Variants in WASHC2C observed in about 807,000 individuals in gnomAD.
The protein encoded by WASHC2C is Vaccinia Penetration Factor.
A neutral mutation model predicts 142.2 loss-of-function variants in WASHC2C; 73 were observed. The observed-to-expected ratio is 0.51, with a 90% CI of 0.43 to 0.62. The LOEUF is 0.62. WASHC2C is among the 20% of genes least tolerant of loss of function. The pLI, the probability that WASHC2C is intolerant of heterozygous loss-of-function variation, is 0.00. For missense variants in WASHC2C, 969 were observed against 1,531.7 expected (o/e 0.63, Z 6.13); for synonymous variants, 337 against 565.5 (o/e 0.60, Z 5.73).
Position 45,789,480 on chromosome 10 carries a change from G to A in WASHC2C, c.3697G>A (p.Asp1233Asn), listed in dbSNP as rs2058266486. 6.8e-6 allele frequency: 11 copies of A among 1,611,890 alleles called. No individual in the cohort carries two copies. The highest frequency in any genetic ancestry group is 1.7e-5 in the Admixed American group (1 of 59,996). ...GCAGGATGTCATATTAACAACACAA[G>A]ATATTTTTGAGGTAATAGGACTTAA... The part of the protein sequence containing the change: ...SQQDVILTTQ[D>N]IFEDDIFATE... The change falls in exon 29 of 31, where the codon GAT becomes AAT. Residue 1233 changes from aspartate to asparagine, a missense_variant. Physicochemically the swap from Asp to Asn is conservative, Grantham distance 23. Transcript: ENST00000623400.
chr10:45,785,047 C>T (rs1290279422), intron 25 of WASHC2C, 146 bp downstream of exon 25: 6 of 1,568,436 alleles, frequency 3.8e-6, no homozygotes, highest in Admixed American at 3.5e-5. Flanking sequence ...CCGAGGGGAG[C>T]GTGTGTGGAG....
chr10:45,766,143 A>C (rs1275789696), intron 19 of WASHC2C, among the ~76,000 whole-genome samples: 1 of 151,992 alleles, frequency 6.6e-6, no homozygotes, highest in Admixed American at 6.6e-5. Flanking sequence ...AACCAGAGAA[A>C]AGTGTGCAAG....
chr10:45,786,751 C>T, intron 27 of WASHC2C, 77 bp downstream of exon 27: 1 of 1,610,568 alleles, frequency 6.2e-7, no homozygotes, highest in Non-Finnish European at 8.5e-7. Context: ...CTCTTGTCAG[C>T]TGCTGCCAAA....
chr10:45,765,332 C>T (rs1302173809), intron 18 of WASHC2C, among the ~76,000 whole-genome samples: 2 of 151,120 alleles, frequency 1.3e-5, no homozygotes, highest in Non-Finnish European at 2.9e-5. Context: ...GCTCCCGTGC[C>T]CATCGCAGGC....
At chr10:45,747,344 A>T (rs1392736469) in intron 8 of WASHC2C, among the ~76,000 whole-genome samples, 1 of 152,070 alleles carries the variant, frequency 6.6e-6, no homozygotes. Context: ...GGGTTTCACC[A>T]TGTTGGCCAG....
At chr10:45,756,613 TAC>T (rs1436659911) in intron 15 of WASHC2C, among the ~76,000 whole-genome samples, 1 of 152,052 alleles carries the variant, frequency 6.6e-6, no homozygotes, top group Non-Finnish European at 1.5e-5. Context: ...TCTGCTTTTG[TAC>T]AGTTTGATTT....
rs782132882 is a variant in WASHC2C, at chr10:45,757,169, G to A, written c.1548+30G>A. On this transcript the variant is annotated intron_variant, in intron 16 of 30. Coordinates refer to ENST00000623400, the MANE Select transcript of WASHC2C (RefSeq NM_001330074.2). ...GCAGGAGGGAAGACTTAACGCAGGA[G>A]CATTGATCTGCAGCATTTTAATAAT... is the stretch of plus-strand genomic sequence containing the variant. 40 of 1,610,872 alleles carry A rather than the reference G, an allele frequency of 2.5e-5. No individual in the cohort carries two copies. The Middle Eastern group carries it at 6.8e-4, about 27-fold the overall frequency.
At chr10:45,756,250 TA>T (rs1554877180) in intron 15 of WASHC2C, among the ~76,000 whole-genome samples, 1 of 143,922 alleles carries the variant, frequency 6.9e-6, no homozygotes, top group African/African-American at 2.7e-5. Context: ...ACACATGCCC[TA>T]TTCGGTACAG....
chr10:45,753,342 A>G, intron 13 of WASHC2C, 105 bp downstream of exon 13: 1 of 1,176,646 alleles, frequency 8.5e-7, no homozygotes, highest in Non-Finnish European at 1.2e-6. Flanking sequence ...TTCTGTGTCA[A>G]GCAAGAAGCT....
chr10:45,759,477 T>TC (rs1589765866), intron 17 of WASHC2C, 76 bp downstream of exon 17: 1 of 1,275,110 alleles, frequency 7.8e-7, no homozygotes, highest in Non-Finnish European at 1.1e-6. Context: ...ATCAGGTTTT[T>TC]CTCAATAGAG....
intron 25 of WASHC2C, 91 bp downstream of exon 25, chr10:45,784,992 A>G: frequency 6.2e-7 from 1 of 1,610,280 alleles, no homozygotes; most frequent in Admixed American, 1.7e-5. Context: ...GGAAAATCCT[A>G]GGAGAGTCGT....
Position 45,756,997 on chromosome 10 carries a change from T to C in WASHC2C, c.1421-15T>C. ...TTGACGTTAGTGTCATTTTATGCCT[T>C]GGTATTTTTTACAGGCAAAGTCCAA... On this transcript the variant is annotated splice_polypyrimidine_tract_variant and intron_variant, in intron 15 of 30. Coordinates refer to ENST00000623400, the MANE Select transcript of WASHC2C (RefSeq NM_001330074.2). The C allele has an allele frequency of 6.3e-7, 1 of 1,585,362 alleles. No individual in the cohort carries two copies.
chr10:45,779,971 G>A (rs1350531480), intron 23 of WASHC2C, among the ~76,000 whole-genome samples: 12 of 146,236 alleles, frequency 8.2e-5, no homozygotes, highest in Non-Finnish European at 1.2e-4. Context: ...GCAACAGAAC[G>A]AGACTCCATC....
chr10:45,790,538 G>A lies in WASHC2C; in HGVS notation c.3886+5G>A. ...CTATATTTGATGATGATATGGGTAA[G>A]TTTGGTTTTCTACATCTGACCTAGA... On this transcript the variant is annotated splice_donor_5th_base_variant and intron_variant, in intron 30 of 30. Transcript: ENST00000623400. The A allele has an allele frequency of 6.2e-7, 1 of 1,611,926 alleles. No homozygotes were observed.
intron 3 of WASHC2C, among the ~76,000 whole-genome samples, chr10:45,729,847 C>T (rs550888700): frequency 1.1e-3 from 171 of 151,534 alleles, no homozygotes; most frequent in African/African-American, 3.9e-3. Context: ...ATTAAAAAAG[C>T]CCAAGATTTA....
rs536010083 is a variant in WASHC2C, at chr10:45,757,163, G to C, written c.1548+24G>C. On this transcript the variant is annotated intron_variant, in intron 16 of 30. Coordinates refer to ENST00000623400, the MANE Select transcript of WASHC2C (RefSeq NM_001330074.2). ...AGGTGAGCAGGAGGGAAGACTTAAC[G>C]CAGGAGCATTGATCTGCAGCATTTT... 4.2e-5 allele frequency: 68 copies of C among 1,610,748 alleles called. 1 individual carries two copies. Among genetic ancestry groups the C allele is most frequent in the Non-Finnish European group, 5.3e-5 (62 of 1,179,322 alleles).
intron 17 of WASHC2C, among the ~76,000 whole-genome samples, chr10:45,759,761 A>G (rs1468993251): frequency 6.6e-6 from 1 of 152,052 alleles, no homozygotes; most frequent in African/African-American, 2.4e-5. Context: ...AGAAGTTGCA[A>G]TGAACCGAGA....
At chr10:45,775,550 C>G (rs2056986522) in intron 21 of WASHC2C, among the ~76,000 whole-genome samples, 1 of 146,904 alleles carries the variant, frequency 6.8e-6, no homozygotes, top group African/African-American at 2.5e-5. Context: ...AGCTTGTCTT[C>G]AAGAAGATTA....
At chr10:45,749,836 A>AAAAAAATATATAT (rs1227809519) in intron 8 of WASHC2C, among the ~76,000 whole-genome samples, 2 of 101,780 alleles carry the variant, frequency 2.0e-5, no homozygotes, top group East Asian at 3.4e-4. Flanking sequence ...AAAAAAAAAA[A>AAAAAAATATATAT]ATATATATAT....
Sources: allele counts gnomAD v4.1 joint callset (sites outside exome capture counted in the v4.1 genomes callset), GRCh38; gene constraint gnomAD v4.1.1; transcripts MANE v1.5; gene names NCBI Gene and HGNC (gene_info 2026-07-23, HGNC 2026-07-21).